GARNL3: variants seen among roughly 807,000 people sequenced by gnomAD.
The protein encoded by GARNL3 is GTPase activating Rap/RanGAP domain like 3, also known as GTPase-activating Rap/Ran-GAP domain-like protein 3.
GARNL3 carries 63 observed loss-of-function variants against 125.0 expected under a neutral mutation model. The ratio of observed to expected loss-of-function variants is 0.50; its 90% CI spans 0.41 to 0.62. GARNL3 has a LOEUF of 0.62. Among genes scored for constraint, GARNL3 ranks in the 20% least tolerant of loss-of-function variants. GARNL3 has a pLI of 0.00. For missense variants in GARNL3, 994 were observed against 1,244.0 expected, an observed-to-expected ratio of 0.80 and a Z score of 3.02; for synonymous variants, 439 against 457.5, an observed-to-expected ratio of 0.96 and a Z score of 0.52.
At position 127,384,768 on chromosome 9, in the gene GARNL3, C is replaced by T. The variant is rs1187043230; in HGVS notation, c.2270-259C>T. 6.6e-6 allele frequency among the ~76,000 whole-genome samples: 1 copy of T among 152,164 alleles called. No individual in the cohort carries two copies. On this transcript the variant is annotated intron_variant, in intron 23 of 27. Transcript: ENST00000373387. This position sits in a 1 kb window ranked among gnomAD's most constrained non-coding sequence, Gnocchi z 4.0. ...CTGGAAGATCAGGCAGTGGGGTTTC[C>T]ATGGGGGAAAATGGCAGCAAGCATG...
chr9:127,270,011 A>G (rs2063787505), intron 1 of GARNL3, among the ~76,000 whole-genome samples: 1 of 152,072 alleles, frequency 6.6e-6, no homozygotes, highest in South Asian at 2.1e-4. Context: ...TTATTGCTAA[A>G]TTCAATGTCC....
chr9:127,252,055 C>G (rs949430162), intron 2 of GARNL3, among the ~76,000 whole-genome samples: 3 of 152,148 alleles, frequency 2.0e-5, no homozygotes, highest in Non-Finnish European at 4.4e-5. Flanking sequence ...TTTCCTTTGT[C>G]TAGTCATTTC....
intron 17 of GARNL3, among the ~76,000 whole-genome samples, chr9:127,352,817 A>G (rs1343883013): frequency 5.9e-5 from 9 of 152,246 alleles, no homozygotes; most frequent in African/African-American, 1.9e-4. Flanking sequence ...AGATTTCTGG[A>G]AAAGAAAAGA....
intron 14 of GARNL3, among the ~76,000 whole-genome samples, chr9:127,342,729 A>T (rs1335737716): frequency 1.3e-5 from 2 of 152,048 alleles, no homozygotes; most frequent in African/African-American, 2.4e-5. Flanking sequence ...TTAGAAAGAC[A>T]TAGGGTGCTT....
At chr9:127,245,889 A>G (rs2063293507) in intron 2 of GARNL3, among the ~76,000 whole-genome samples, 1 of 151,858 alleles carries the variant, frequency 6.6e-6, no homozygotes, top group African/African-American at 2.4e-5. Flanking sequence ...TCTTAACCTC[A>G]GCGCACTCAG....
Position 127,393,087 on chromosome 9 carries a change from C to T in GARNL3, c.2875C>T (p.Pro959Ser). 1 of 1,595,956 alleles carries T rather than the reference C, an allele frequency of 6.3e-7. No homozygotes were observed. Among genetic ancestry groups the T allele is most frequent in the Non-Finnish European group, 8.6e-7 (1 of 1,165,334 alleles). Residue 959 changes from proline to serine, a missense_variant, in exon 28 of 28, where the codon CCA becomes TCA. By Grantham distance (74) the Pro-to-Ser change is moderately conservative. This residue lies in a region of GARNL3 where 728 missense variants were observed against 865.7 expected (regional missense o/e 0.84). Transcript: ENST00000373387. Reference protein sequence around the residue: ...AVRSSSSDRIPSGSLESASTS... With the variant: ...AVRSSSSDRISSGSLESASTS... The stretch of plus-strand genomic sequence containing the variant: ...ACAGTGACTTTTCTCTTCTAGGATC[C>T]CATCAGGCTCCTTGGAAAGTGCTTC...
rs765519549 is a variant in GARNL3, at chr9:127,342,133, G to A, written c.1136-86G>A. ...AAATTCCTAGATTCACAGAACTAAA[G>A]AAAAGAACAGACAAGCATAGTTTCA... On this transcript the variant is annotated intron_variant, in intron 13 of 27. Transcript: ENST00000373387. 39 of 915,808 alleles carry A rather than the reference G, an allele frequency of 4.3e-5. 1 individual carries two copies. The highest frequency in any genetic ancestry group is 2.9e-4 in the South Asian group (20 of 68,742). The allele number at this position is 915,808 out of a possible 1,614,324, so 56.7% of individuals were successfully genotyped here.
intron 22 of GARNL3, among the ~76,000 whole-genome samples, chr9:127,373,596 T>A (rs1831722467): frequency 6.6e-6 from 1 of 151,864 alleles, no homozygotes; most frequent in Non-Finnish European, 1.5e-5. Context: ...GAGACCCTGG[T>A]CTCTAAAAAA....
intron 7 of GARNL3, among the ~76,000 whole-genome samples, chr9:127,328,222 TA>T (rs1829004010): frequency 1.3e-5 from 2 of 152,304 alleles, no homozygotes; most frequent in South Asian, 2.1e-4. Context: ...ATTTCCTTAT[TA>T]GGGGGATATT....
intron 21 of GARNL3, chr9:127,363,906 T>C (rs1831144853): frequency 6.6e-6 from 1 of 152,238 alleles, no homozygotes; most frequent in Non-Finnish European, 1.5e-5. Context: ...GGCCCTGTGC[T>C]AAAATCTCTG....
At chr9:127,383,947 G>A (rs941790339) in intron 23 of GARNL3, among the ~76,000 whole-genome samples, 13 of 152,168 alleles carry the variant, frequency 8.5e-5, no homozygotes, top group African/African-American at 3.1e-4. Context: ...ATTGGTATAT[G>A]TTTCATAGAA....
intron 1 of GARNL3, among the ~76,000 whole-genome samples, chr9:127,278,403 T>C (rs1391479150): frequency 6.6e-6 from 1 of 152,232 alleles, no homozygotes; most frequent in African/African-American, 2.4e-5. Flanking sequence ...TCATGTGTAA[T>C]TGCATTGGCT....
At chr9:127,246,458 A>G (rs1382214764) in intron 2 of GARNL3, among the ~76,000 whole-genome samples, 1 of 152,074 alleles carries the variant, frequency 6.6e-6, no homozygotes, top group African/African-American at 2.4e-5. Context: ...ATAAGAGGGC[A>G]CTGAGATGAG....
chr9:127,360,365 C>T (rs972971406), intron 21 of GARNL3, among the ~76,000 whole-genome samples: 1 of 152,152 alleles, frequency 6.6e-6, no homozygotes, highest in African/African-American at 2.4e-5. Context: ...TTCCCTATTT[C>T]CTGGCTCTGA....
chr9:127,351,372 G>A (rs1289045350), intron 17 of GARNL3, among the ~76,000 whole-genome samples: 1 of 152,064 alleles, frequency 6.6e-6, no homozygotes, highest in Admixed American at 6.5e-5. Context: ...CCTTCAACAG[G>A]ATGGTGGGTG....
At chr9:127,360,942 C>T (rs1830963027) in intron 21 of GARNL3, among the ~76,000 whole-genome samples, 2 of 152,232 alleles carry the variant, frequency 1.3e-5, no homozygotes, top group African/African-American at 2.4e-5. Context: ...GACCCACTGC[C>T]GCTGCTTTAA....
At chr9:127,244,804 C>T (rs1222790337) in intron 2 of GARNL3, among the ~76,000 whole-genome samples, 5 of 152,186 alleles carry the variant, frequency 3.3e-5, no homozygotes, top group African/African-American at 4.8e-5. Context: ...GGGAAACTAG[C>T]GAAGCCAGGA....
At chr9:127,303,784 G>A (rs1282783764) in intron 2 of GARNL3, among the ~76,000 whole-genome samples, 1 of 152,152 alleles carries the variant, frequency 6.6e-6, no homozygotes, top group East Asian at 1.9e-4. Context: ...TAAAATCAGG[G>A]TGTCATATAT....
intron 1 of GARNL3, among the ~76,000 whole-genome samples, chr9:127,289,424 C>T (rs2064347547): frequency 6.6e-6 from 1 of 152,188 alleles, no homozygotes; most frequent in Admixed American, 6.5e-5. Flanking sequence ...CGGGAGAGTT[C>T]CATTGCAGAG....
Sources: allele counts gnomAD v4.1 joint callset (sites outside exome capture counted in the v4.1 genomes callset), GRCh38; gene constraint gnomAD v4.1.1; regional missense constraint gnomAD v4.1.1; non-coding constraint Gnocchi (gnomAD v3.1); transcripts MANE v1.5; gene names NCBI Gene and HGNC (gene_info 2026-07-23, HGNC 2026-07-21).